The following OXLD1 variants were observed in gnomAD, a reference collection of about 807,000 sequenced individuals.
The protein encoded by OXLD1 is oxidoreductase-like domain-containing protein 1.
A neutral mutation model predicts 3.1 loss-of-function variants in OXLD1; 4 were observed. That is an observed-to-expected ratio of 1.28 (90% CI 0.63 to 2.92). The LOEUF (loss-of-function observed/expected upper bound fraction) is 2.92. Ranked by LOEUF, OXLD1 falls within the 30% of genes most tolerant of loss-of-function variation. The pLI is 0.01. For missense variants in OXLD1, 240 were observed against 204.6 expected (o/e 1.17, Z -1.05); for synonymous variants, 100 against 87.0 (o/e 1.15, Z -0.83).
rs111959393 is a variant in OXLD1 at position 81,665,562 on chromosome 17, G to C, written c.83C>G (p.Pro28Arg). Reference sequence around the variant, plus strand: ...TCCAGGAAGCCTCTGGCAGCAGTCCGGGCTGGAGAACCGGCGAGCCCCCTG... The same window carrying C: ...TCCAGGAAGCCTCTGGCAGCAGTCCCGGCTGGAGAACCGGCGAGCCCCCTG... ...RGSGARRFSSPDCCQRLPGGG... is the reference protein window; with the variant it reads ...RGSGARRFSSRDCCQRLPGGG... The change falls in exon 2 of 2, where the codon CCG (proline) becomes CGG (arginine). Residue 28 changes from proline to arginine, a missense_variant. Coordinates refer to ENST00000374741, the MANE Select transcript of OXLD1 (RefSeq NM_001039842.3). The C allele has an allele frequency of 6.3e-7, 1 of 1,595,568 alleles. No individual in the cohort carries two copies. The highest frequency in any genetic ancestry group is 8.6e-7 in the Non-Finnish European group (1 of 1,168,124).
At chr17:81,666,474 C>T (rs924622142) in intron 1 of OXLD1, 44 bp downstream of exon 1, 4 of 1,524,082 alleles carry the variant, frequency 2.6e-6, no homozygotes, top group East Asian at 5.1e-5. Flanking sequence ...AGCGGCCTCT[C>T]GGACGTGCCC....
At chr17:81,665,799 A>G (rs1598729370) in intron 1 of OXLD1, 1 of 593,128 alleles carries the variant, frequency 1.7e-6, no homozygotes, top group East Asian at 3.1e-5. Flanking sequence ...GGTGTGATTC[A>G]CAAGAAGTGC....
rs1276056296 is a variant in OXLD1, at chr17:81,665,541, G to A, written c.104C>T (p.Pro35Leu). 3 of 1,607,264 alleles carry A rather than the reference G, an allele frequency of 1.9e-6. No individual in the cohort carries two copies. ...FSSPDCCQRL[P>L]GGGSFLQRHH... ...CCTTTGAAGAAAGCTGCCACCTCCAGGAAGCCTCTGGCAGCAGTCCGGGCT... is the reference window on the plus strand; with the variant it reads ...CCTTTGAAGAAAGCTGCCACCTCCAAGAAGCCTCTGGCAGCAGTCCGGGCT... Residue 35 changes from proline to leucine, a missense_variant, in exon 2 of 2, where the codon CCT (proline) becomes CTT (leucine). Pro to Leu is a moderately conservative substitution (Grantham distance 98). Transcript: ENST00000374741.
chr17:81,665,373 C>G lies in OXLD1; in HGVS notation c.272G>C (p.Cys91Ser), dbSNP rs1010108914. The change falls in exon 2 of 2, where the codon TGC becomes TCC. Residue 91 changes from cysteine (C) to serine (S), a missense_variant. By Grantham distance (112) the Cys-to-Ser change is moderately radical (BLOSUM62 -1). Coordinates refer to ENST00000374741, the MANE Select transcript of OXLD1 (RefSeq NM_001039842.3). ...PPELQPPTNC[C>S]MSGCPNCVWV... is the part of the protein sequence containing the mutation. ...CACGCAGTTGGGGCAGCCACTCATG[C>G]AGCAGTTTGTGGGCGGCTGGAGCTC... is the stretch of plus-strand genomic sequence containing the variant. 6 of 1,613,684 alleles carry G rather than the reference C, an allele frequency of 3.7e-6. No individual in the cohort carries two copies. Among genetic ancestry groups the G allele is most frequent in the Non-Finnish European group, 5.1e-6 (6 of 1,180,038 alleles).
chr17:81,666,376 C>A (rs1217207234), intron 1 of OXLD1, 142 bp downstream of exon 1: 1 of 971,336 alleles, frequency 1.0e-6, no homozygotes, highest in Non-Finnish European at 1.5e-6. Flanking sequence ...GGTCCTTCGG[C>A]GGCGGCCAGC....
rs762570660 is a variant in OXLD1 at position 81,666,536 on chromosome 17, G to C, written c.42C>G (p.Ala14=). Residue 14 remains alanine (A), a synonymous_variant, in exon 1 of 2, where the codon GCC becomes GCG. Transcript: ENST00000374741. The stretch of plus-strand genomic sequence containing the variant: ...TACTTGCCGAGCCACGGACCGCGGC[G>C]GCTACCGCCCGGCCTCCCTCGACCA... ...RRVVEGGRAV[A]AAVRGSGARR... 1 of 1,524,378 alleles carries C rather than the reference G, an allele frequency of 6.6e-7. No individual in the cohort carries two copies. Among genetic ancestry groups the C allele is most frequent in the East Asian group, 2.6e-5 (1 of 37,744 alleles). 94.4% of individuals were successfully genotyped at this position (1,524,378 alleles called of 1,614,324 possible).
chr17:81,666,594 C>T lies in OXLD1; in HGVS notation c.-17G>A. On this transcript the variant is annotated 5_prime_UTR_variant, in exon 1 of 2. Coordinates refer to ENST00000374741, the MANE Select transcript of OXLD1 (RefSeq NM_001039842.3). ...CAGCAGCATCGCCCGCGGACGGGAT[C>T]CGGCAACCCCTGACCGTGAGCGGCG... 7.0e-7 allele frequency: 1 copy of T among 1,433,678 alleles called. No individual in the cohort carries two copies. Among genetic ancestry groups the T allele is most frequent in the East Asian group, 2.8e-5 (1 of 35,656 alleles). The allele number at this position is 1,433,678 out of a possible 1,614,324, so 88.8% of individuals were successfully genotyped here.
rs1568195459 is a variant in OXLD1 at position 81,665,219 on chromosome 17, G to A, written c.426C>T (p.His142=). The A allele has an allele frequency of 1.9e-6, 3 of 1,611,824 alleles. No homozygotes were observed. Among genetic ancestry groups the A allele is most frequent in the Non-Finnish European group, 2.5e-6 (3 of 1,178,898 alleles). Residue 142 remains histidine (H), a synonymous_variant, in exon 2 of 2, where the codon CAC becomes CAT. Coordinates refer to ENST00000374741, the MANE Select transcript of OXLD1 (RefSeq NM_001039842.3). Reference sequence around the variant, plus strand: ...GGATGGCTCAGCCTCCGCACCTGGTGTGCAGCCGGATCTCCATCCTGAGGA... The same window carrying A: ...GGATGGCTCAGCCTCCGCACCTGGTATGCAGCCGGATCTCCATCCTGAGGA... ...KAFLRMEIRL[H]TRCGG
At chr17:81,665,723 G>A (rs761636525) in intron 1 of OXLD1, 139 bp from the exon 2 acceptor site, 2 of 991,892 alleles carry the variant, frequency 2.0e-6, no homozygotes, top group African/African-American at 1.6e-5. Flanking sequence ...TGTGACTTTA[G>A]ACATGTTATT....
intron 1 of OXLD1, 53 bp from the exon 2 acceptor site, chr17:81,665,637 TA>T: frequency 6.6e-7 from 1 of 1,519,668 alleles, no homozygotes; most frequent in South Asian, 1.3e-5. Flanking sequence ...AGGCCCGGTC[TA>T]CCCCCAGCAG....
Position 81,665,975 on chromosome 17 carries a change from C to T in OXLD1, c.61-391G>A. On this transcript the variant is annotated intron_variant, in intron 1 of 1. Transcript: ENST00000374741. ...AGCACCTCTACCAGTATAACCAAGC[C>T]CCACCACCTCTGAGGGACCAACCGG... 1.1e-5 allele frequency: 4 copies of T among 378,156 alleles called. No homozygotes were observed. The East Asian group carries it at 1.7e-4, about 16-fold the overall frequency. 23.4% of individuals were successfully genotyped at this position (378,156 alleles called of 1,614,324 possible).
intron 1 of OXLD1, chr17:81,666,233 C>T (rs912879958): frequency 5.1e-4 from 249 of 485,104 alleles, no homozygotes; most frequent in Middle Eastern, 9.4e-4. Context: ...GGCTCGCACA[C>T]AGGCGCTCGG....
At chr17:81,665,992 A>T in intron 1 of OXLD1, 1 of 383,454 alleles carries the variant, frequency 2.6e-6, no homozygotes, top group African/African-American at 2.1e-5. Flanking sequence ...CCTCTGAGGG[A>T]CCAACCGGAA....
chr17:81,666,602 C>G lies in OXLD1; in HGVS notation c.-25G>C. ...TCGCCCGCGGACGGGATCCGGCAAC[C>G]CCTGACCGTGAGCGGCGGGCGCTCC... On this transcript the variant is annotated 5_prime_UTR_variant, in exon 1 of 2. Transcript: ENST00000374741. The G allele has an allele frequency of 1.4e-6, 2 of 1,402,348 alleles. No individual in the cohort carries two copies. The highest frequency in any genetic ancestry group is 1.9e-6 in the Non-Finnish European group (2 of 1,077,802). The allele number at this position is 1,402,348 out of a possible 1,614,324, so 86.9% of individuals were successfully genotyped here. A position where few individuals can be genotyped will look rare whatever the true frequency, so the allele number is the denominator to read the frequency against.
chr17:81,665,152 G>T lies in OXLD1; in HGVS notation c.*49C>A. On this transcript the variant is annotated 3_prime_UTR_variant, in exon 2 of 2. Transcript: ENST00000374741. ...AGGGGGTGTGAAGGAAGGAGGCTGC[G>T]GCTGCGTCCTGGACTCCGTCCTGCG... The T allele has an allele frequency of 6.5e-7, 1 of 1,536,412 alleles. No homozygotes were observed. The highest frequency in any genetic ancestry group is 1.3e-5 in the South Asian group (1 of 79,962).
At position 81,666,597 on chromosome 17, in the gene OXLD1, G is replaced by C; in HGVS notation, c.-20C>G. On this transcript the variant is annotated 5_prime_UTR_variant, in exon 1 of 2. Transcript: ENST00000374741. ...CAGCATCGCCCGCGGACGGGATCCG[G>C]CAACCCCTGACCGTGAGCGGCGGGC... The C allele has an allele frequency of 1.4e-6, 2 of 1,427,966 alleles. No homozygotes were observed. Among genetic ancestry groups the C allele is most frequent in the South Asian group, 2.9e-5 (2 of 69,034 alleles). 88.5% of individuals were successfully genotyped at this position (1,427,966 alleles called of 1,614,324 possible). A position where few individuals can be genotyped will look rare whatever the true frequency, so the allele number is the denominator to read the frequency against.
chr17:81,665,529 C>G lies in OXLD1; in HGVS notation c.116G>C (p.Ser39Thr), dbSNP rs74002487. Reference protein sequence around the residue: ...DCCQRLPGGGSFLQRHHPGAQ... With the variant: ...DCCQRLPGGGTFLQRHHPGAQ... ...TCCGGGATGGTGCCTTTGAAGAAAG[C>G]TGCCACCTCCAGGAAGCCTCTGGCA... Residue 39 changes from serine to threonine, a missense_variant, in exon 2 of 2, where the codon AGC becomes ACC. Coordinates refer to ENST00000374741, the MANE Select transcript of OXLD1 (RefSeq NM_001039842.3). 1,832 of 1,608,834 alleles carry G rather than the reference C, an allele frequency of 1.1e-3. 22 individuals carry two copies. The African/African-American group carries it at 0.022, about 19-fold the overall frequency.
At position 81,665,364 on chromosome 17, in the gene OXLD1, C is replaced by G. The variant is rs145759374; in HGVS notation, c.281G>C (p.Gly94Ala). The change falls in exon 2 of 2, where the codon GGC becomes GCC. Residue 94 changes from glycine (G) to alanine (A), a missense_variant. By Grantham distance (60) the Gly-to-Ala change is moderately conservative. Coordinates refer to ENST00000374741, the MANE Select transcript of OXLD1 (RefSeq NM_001039842.3). ...LQPPTNCCMSGCPNCVWVEYA... is the reference protein window; with the variant it reads ...LQPPTNCCMSACPNCVWVEYA... The stretch of plus-strand genomic sequence containing the variant: ...CTCCACCCACACGCAGTTGGGGCAG[C>G]CACTCATGCAGCAGTTTGTGGGCGG... 1 of 1,613,626 alleles carries G rather than the reference C, an allele frequency of 6.2e-7. No individual in the cohort carries two copies. Among genetic ancestry groups the G allele is most frequent in the East Asian group, 2.2e-5 (1 of 44,890 alleles).
rs111959393 is a variant in OXLD1 at position 81,665,562 on chromosome 17, G to T, written c.83C>A (p.Pro28Gln). The change falls in exon 2 of 2, where the codon CCG becomes CAG. Residue 28 changes from proline (P) to glutamine (Q), a missense_variant. Pro to Gln is a moderately conservative substitution (Grantham distance 76). Transcript: ENST00000374741. ...TCCAGGAAGCCTCTGGCAGCAGTCC[G>T]GGCTGGAGAACCGGCGAGCCCCCTG... is the stretch of plus-strand genomic sequence containing the variant. Reference protein sequence around the residue: ...RGSGARRFSSPDCCQRLPGGG... With the variant: ...RGSGARRFSSQDCCQRLPGGG... 2,107 of 1,595,566 alleles carry T rather than the reference G, an allele frequency of 1.3e-3. 26 individuals carry two copies. The African/African-American group carries it at 0.023, about 17-fold the overall frequency.
Sources: allele counts gnomAD v4.1 joint callset, GRCh38; gene constraint gnomAD v4.1.1; transcripts MANE v1.5; gene names NCBI Gene and HGNC (gene_info 2026-07-23, HGNC 2026-07-21).